RHOU: variants seen among roughly 807,000 people sequenced by gnomAD.
The protein encoded by RHOU is rho-related GTP-binding protein RhoU.
Under a neutral mutation model 12.6 loss-of-function variants are expected in RHOU, and 8 were observed. The ratio of observed to expected loss-of-function variants is 0.64; its 90% CI spans 0.37 to 1.15. RHOU has a LOEUF of 1.15. Among genes scored for constraint, RHOU ranks in the 50% most tolerant of loss-of-function variants. RHOU has a pLI of 0.01. For missense variants in RHOU, 258 were observed against 347.0 expected, an observed-to-expected ratio of 0.74 and a Z score of 2.04; for synonymous variants, 161 against 147.4, an observed-to-expected ratio of 1.09 and a Z score of -0.67.
chr1:228,646,450 T>G, the RHOU span, among the ~76,000 whole-genome samples: 2 of 56,514 alleles, frequency 3.5e-5, no homozygotes, highest in Non-Finnish European at 7.0e-5. Context: ...GCACAGGGGC[T>G]CCTGCGAGGC....
At chr1:228,696,441 G>A in the RHOU span, among the ~76,000 whole-genome samples, 1 of 151,288 alleles carries the variant, frequency 6.6e-6, no homozygotes, top group Non-Finnish European at 1.5e-5. Flanking sequence ...TGCTTTTTTT[G>A]TCTCCTTGGA....
the RHOU span, among the ~76,000 whole-genome samples, chr1:228,646,954 GACAGAGAAAGGGAGAAGTACAGAGGT>G: frequency 6.6e-6 from 1 of 152,092 alleles, no homozygotes; most frequent in Non-Finnish European, 1.5e-5. Context: ...GGCTAAGAGG[GACAGAGAAAGGGAGAAGTACAGAGGT>G]ACAGAGGGAA....
chr1:228,681,895 G>A, the RHOU span, among the ~76,000 whole-genome samples: 2 of 152,102 alleles, frequency 1.3e-5, no homozygotes, highest in African/African-American at 4.8e-5. Flanking sequence ...CAATGTGGGT[G>A]AGCAGCCAAA....
chr1:228,724,626 C>T, the RHOU span, among the ~76,000 whole-genome samples: 2 of 152,118 alleles, frequency 1.3e-5, no homozygotes, highest in Non-Finnish European at 2.9e-5. Context: ...GAGGTGAGAA[C>T]ATTTAAGAGC....
chr1:228,722,015 G>A, the RHOU span, among the ~76,000 whole-genome samples: 1 of 152,144 alleles, frequency 6.6e-6, no homozygotes, highest in African/African-American at 2.4e-5. Context: ...AGAAACTAAC[G>A]AAACAATTCT....
chr1:228,726,996 A>G, the RHOU span, among the ~76,000 whole-genome samples: 1 of 152,188 alleles, frequency 6.6e-6, no homozygotes, highest in Non-Finnish European at 1.5e-5. Flanking sequence ...TGCACTTTGC[A>G]CATCCCCTTG....
chr1:228,715,514 G>A, the RHOU span, among the ~76,000 whole-genome samples: 10 of 151,846 alleles, frequency 6.6e-5, no homozygotes, highest in African/African-American at 1.7e-4. Flanking sequence ...TAGAATATTC[G>A]GTAATATTTA....
the RHOU span, among the ~76,000 whole-genome samples, chr1:228,647,219 T>G: frequency 1.3e-5 from 2 of 152,176 alleles, no homozygotes; most frequent in Non-Finnish European, 2.9e-5. Context: ...TTTTCTTGGA[T>G]GAATTGCTTG....
chr1:228,734,591 ATTTG>A (rs571248586), upstream of RHOU, among the ~76,000 whole-genome samples: 71 of 149,772 alleles, frequency 4.7e-4, no homozygotes, highest in African/African-American at 1.8e-3. Flanking sequence ...AAAGTTCAGT[ATTTG>A]TTATTGTTAT....
At chr1:228,696,240 A>C in the RHOU span, among the ~76,000 whole-genome samples, 5 of 151,472 alleles carry the variant, frequency 3.3e-5, no homozygotes, top group Non-Finnish European at 4.4e-5. Flanking sequence ...ATTAAAAAAA[A>C]AAAACAAAAC....
chr1:228,693,178 T>A, the RHOU span, among the ~76,000 whole-genome samples: 1 of 152,186 alleles, frequency 6.6e-6, no homozygotes, highest in East Asian at 1.9e-4. Context: ...TAAGAATAAA[T>A]GTTGTGAAAA....
At chr1:228,709,930 A>C in the RHOU span, among the ~76,000 whole-genome samples, 1 of 152,238 alleles carries the variant, frequency 6.6e-6, no homozygotes, top group Admixed American at 6.5e-5. Flanking sequence ...AATAAAGAAA[A>C]AAAGAGAGAA....
At chr1:228,683,643 A>T in the RHOU span, among the ~76,000 whole-genome samples, 1 of 152,252 alleles carries the variant, frequency 6.6e-6, no homozygotes, top group Non-Finnish European at 1.5e-5. Context: ...AATTTAAAAA[A>T]TTTCTATAAC....
chr1:228,721,949 G>A, the RHOU span, among the ~76,000 whole-genome samples: 7 of 152,088 alleles, frequency 4.6e-5, no homozygotes, highest in East Asian at 3.9e-4. Flanking sequence ...CACCACACCC[G>A]GCCTTTGTTT....
the RHOU span, among the ~76,000 whole-genome samples, chr1:228,710,035 T>C: frequency 1.3e-5 from 2 of 152,168 alleles, no homozygotes; most frequent in Non-Finnish European, 2.9e-5. Flanking sequence ...CAAACACCTC[T>C]ATGCAAATAA....
At chr1:228,663,153 T>A in the RHOU span, among the ~76,000 whole-genome samples, 1 of 152,260 alleles carries the variant, frequency 6.6e-6, no homozygotes, top group Non-Finnish European at 1.5e-5. Context: ...TAAAGTTTTA[T>A]GACAGCGCAG....
chr1:228,722,922 C>T, the RHOU span, among the ~76,000 whole-genome samples: 142 of 152,198 alleles, frequency 9.3e-4, no homozygotes, highest in Middle Eastern at 0.01. Context: ...TTCCCGGCCC[C>T]GGCCTTCTCT....
intron 1 of RHOU, among the ~76,000 whole-genome samples, chr1:228,736,227 G>A (rs1257099031): frequency 7.4e-6 from 1 of 135,450 alleles, no homozygotes; most frequent in East Asian, 2.1e-4. Flanking sequence ...TGGGCTTGGA[G>A]AGAGGAGGGC....
the RHOU span, among the ~76,000 whole-genome samples, chr1:228,709,117 A>C: frequency 1.2e-4 from 18 of 152,134 alleles, no homozygotes; most frequent in African/African-American, 2.7e-4. Flanking sequence ...AACTATCCTA[A>C]ATATATATGC....
Sources: allele counts gnomAD v4.1 joint callset (sites outside exome capture counted in the v4.1 genomes callset), GRCh38; gene constraint gnomAD v4.1.1; transcripts MANE v1.5; gene names NCBI Gene and HGNC (gene_info 2026-07-23, HGNC 2026-07-21).